The following SFSWAP variants were observed in gnomAD, a reference collection of about 807,000 sequenced individuals.
SFSWAP encodes splicing factor, suppressor of white-apricot homolog.
SFSWAP carries 17 observed loss-of-function variants against 100.7 expected under a neutral mutation model. That is an observed-to-expected ratio of 0.17 (90% CI 0.12 to 0.25). The LOEUF is 0.25. Ranked by LOEUF, SFSWAP falls within the 10% of genes least tolerant of loss-of-function variation. The pLI is 1.00. For synonymous variants in SFSWAP, 504 were observed against 510.1 expected (o/e 0.99, Z 0.16); for missense variants, 1,005 against 1,262.6 (o/e 0.80, Z 3.09).
chr12:131,764,415 A>G (rs1433279191), intron 11 of SFSWAP, 41 bp from the exon 12 acceptor site: 5 of 1,545,682 alleles, frequency 3.2e-6, no homozygotes, highest in South Asian at 2.3e-5. Flanking sequence ...AAAGATTTCC[A>G]CTCTGTAACA....
At position 131,725,769 on chromosome 12, in the gene SFSWAP, G is replaced by A. The variant is rs1878909852; in HGVS notation, c.832+139G>A. ...AAAGCCAGACTCGAATTTCTAGAAT[G>A]TGTCTGAAATCCTGCAGCTAAGGCG... is the stretch of plus-strand genomic sequence containing the variant. On this transcript the variant is annotated intron_variant, in intron 5 of 17. Coordinates refer to ENST00000261674, the MANE Select transcript of SFSWAP (RefSeq NM_004592.4). This position sits in a 1 kb window ranked among gnomAD's most constrained non-coding sequence, Gnocchi z 4.3. 1 of 665,900 alleles carries A rather than the reference G, an allele frequency of 1.5e-6. No homozygotes were observed. Among genetic ancestry groups the A allele is most frequent in the African/African-American group, 1.8e-5 (1 of 55,698 alleles). The allele number at this position is 665,900 out of a possible 1,614,324, so 41.2% of individuals were successfully genotyped here. A position where few individuals can be genotyped will look rare whatever the true frequency, so the allele number is the denominator to read the frequency against.
Position 131,714,855 on chromosome 12 carries a change from C to G in SFSWAP, c.422C>G (p.Ala141Gly). The G allele has an allele frequency of 6.2e-7, 1 of 1,613,976 alleles. No homozygotes were observed. Among genetic ancestry groups the G allele is most frequent in the Non-Finnish European group, 8.5e-7 (1 of 1,179,874 alleles). Residue 141 changes from alanine to glycine, a missense_variant, in exon 3 of 18, where the codon GCA (alanine) becomes GGA (glycine). Coordinates refer to ENST00000261674, the MANE Select transcript of SFSWAP (RefSeq NM_004592.4). This position sits in a 1 kb window ranked among gnomAD's most constrained non-coding sequence, Gnocchi z 6.0. ...EEYKRLSEALAEDGSYNAVGF... is the reference protein window; with the variant it reads ...EEYKRLSEALGEDGSYNAVGF... ...TACAAGCGATTGAGTGAAGCACTAGCAGAGGATGGGAGCTACAATGCCGTG... is the reference window on the plus strand; with the variant it reads ...TACAAGCGATTGAGTGAAGCACTAGGAGAGGATGGGAGCTACAATGCCGTG...
chr12:131,769,153 A>G (rs758464362), intron 13 of SFSWAP, among the ~76,000 whole-genome samples: 5 of 152,092 alleles, frequency 3.3e-5, no homozygotes, highest in Non-Finnish European at 7.4e-5. Context: ...TTCTGCAGCA[A>G]TAAGGGGATG....
intron 6 of SFSWAP, among the ~76,000 whole-genome samples, chr12:131,727,638 C>T (rs181265342): frequency 2.9e-4 from 44 of 150,874 alleles, no homozygotes; most frequent in African/African-American, 1.0e-3. Context: ...GAGTGAGACT[C>T]AAAAAGAAAA....
intron 8 of SFSWAP, 84 bp downstream of exon 8, chr12:131,753,447 T>C: frequency 6.7e-7 from 1 of 1,487,754 alleles, no homozygotes; most frequent in East Asian, 2.5e-5. Context: ...CATGGGGGGC[T>C]TGTAATCTAG....
In SFSWAP at chr12:131,753,292, G is replaced by A. The variant is rs766785632; in HGVS notation, c.1251G>A (p.Gly417=). ...CGACCACCGCCCCACCACCTCCTGGGACCACACCACTACCGCCCCCAACCA... is the reference window on the plus strand; with the variant it reads ...CGACCACCGCCCCACCACCTCCTGGAACCACACCACTACCGCCCCCAACCA... ...GVTTTAPPPP[G]TTPLPPPTTA... Residue 417 remains glycine, a synonymous_variant, in exon 8 of 18, where the codon GGG becomes GGA. Coordinates refer to ENST00000261674, the MANE Select transcript of SFSWAP (RefSeq NM_004592.4). 4 of 1,612,674 alleles carry A rather than the reference G, an allele frequency of 2.5e-6. No individual in the cohort carries two copies. The African/African-American group carries it at 4.0e-5, about 16-fold the overall frequency.
Position 131,755,396 on chromosome 12 carries a change from C to G in SFSWAP, c.1465C>G (p.Leu489Val). The G allele has an allele frequency of 6.2e-7, 1 of 1,613,438 alleles. No homozygotes were observed. The highest frequency in any genetic ancestry group is 1.1e-5 in the South Asian group (1 of 91,036). ...RAKNDQRFEFLQPWHQYNAYY... is the reference protein window; with the variant it reads ...RAKNDQRFEFVQPWHQYNAYY... ...TCTTTTTCTGCTCAGATTTGAGTTC[C>G]TGCAGCCGTGGCACCAGTATAATGC... Residue 489 changes from leucine to valine, a missense_variant, in exon 10 of 18, where the codon CTG becomes GTG. Leu to Val is a conservative substitution (Grantham distance 32). This residue lies in a region of SFSWAP where 311 missense variants were observed against 317.8 expected (regional missense o/e 0.98). Transcript: ENST00000261674.
intron 17 of SFSWAP, 61 bp from the exon 18 acceptor site, chr12:131,799,362 C>T: frequency 6.5e-7 from 1 of 1,533,576 alleles, no homozygotes; most frequent in Non-Finnish European, 9.0e-7. Context: ...TGAATTTCTT[C>T]ACCACGTGGG....
intron 14 of SFSWAP, among the ~76,000 whole-genome samples, chr12:131,780,327 CTTGTA>C (rs1192813192): frequency 6.6e-6 from 1 of 152,138 alleles, no homozygotes; most frequent in Admixed American, 6.6e-5. Context: ...CTCCCAGGAA[CTTGTA>C]TTGTATATCG....
At chr12:131,795,720 C>T (rs1885590059) in intron 15 of SFSWAP, among the ~76,000 whole-genome samples, 2 of 151,642 alleles carry the variant, frequency 1.3e-5, no homozygotes, top group Admixed American at 6.6e-5. Context: ...GAAGGGGCTT[C>T]GTGGCACGCA....
chr12:131,763,138 T>G (rs540646637), intron 11 of SFSWAP, among the ~76,000 whole-genome samples: 17 of 152,328 alleles, frequency 1.1e-4, no homozygotes, highest in African/African-American at 3.8e-4. Flanking sequence ...TATCACATGC[T>G]TAACTGTCTA....
At chr12:131,743,876 C>T (rs1880885920) in intron 7 of SFSWAP, among the ~76,000 whole-genome samples, 1 of 152,260 alleles carries the variant, frequency 6.6e-6, no homozygotes, top group Non-Finnish European at 1.5e-5. Flanking sequence ...GGTTCCCAAA[C>T]CTCAGTTCTT....
intron 14 of SFSWAP, among the ~76,000 whole-genome samples, chr12:131,782,769 G>T (rs1250770679): frequency 1.3e-5 from 2 of 152,060 alleles, no homozygotes; most frequent in Non-Finnish European, 2.9e-5. Flanking sequence ...CTAAGTTATG[G>T]GCGACTCTGG....
intron 14 of SFSWAP, among the ~76,000 whole-genome samples, chr12:131,779,245 A>AGAGGGCGGCGCGGGTGAGCGTGTGTGAC (rs1884291045): frequency 6.7e-6 from 1 of 148,880 alleles, no homozygotes; most frequent in Non-Finnish European, 1.5e-5. Flanking sequence ...GCGTGTGTGA[A>AGAGGGCGGCGCGGGTGAGCGTGTGTGAC]GAGGGCGGCG....
In SFSWAP at chr12:131,719,516, A is replaced by G; in HGVS notation, c.583A>G (p.Ser195Gly). The G allele has an allele frequency of 6.2e-7, 1 of 1,614,046 alleles. No homozygotes were observed. The highest frequency in any genetic ancestry group is 8.5e-7 in the Non-Finnish European group (1 of 1,179,936). Residue 195 changes from serine (S) to glycine (G), a missense_variant, in exon 4 of 18, where the codon AGC (serine) becomes GGC (glycine). By Grantham distance (56) the Ser-to-Gly change is moderately conservative (BLOSUM62 0). Transcript: ENST00000261674. ...EEPFVAPLGL[S>G]VPSDVELPPT... Reference sequence around the variant, plus strand: ...GCCCTTCGTTGCCCCCTTAGGATTGAGCGTCCCGTCTGACGTGGAGTTGGT... The same window carrying G: ...GCCCTTCGTTGCCCCCTTAGGATTGGGCGTCCCGTCTGACGTGGAGTTGGT...
chr12:131,736,705 C>A (rs1157804734), intron 7 of SFSWAP, among the ~76,000 whole-genome samples: 1 of 152,152 alleles, frequency 6.6e-6, no homozygotes. Flanking sequence ...GCATACAGAA[C>A]ACTGTGCAGG....
chr12:131,775,729 TG>T (rs1213214352), intron 13 of SFSWAP, among the ~76,000 whole-genome samples: 1 of 151,830 alleles, frequency 6.6e-6, no homozygotes, highest in Non-Finnish European at 1.5e-5. Flanking sequence ...AATGCCAGAG[TG>T]GGGGTGTTCT....
At chr12:131,767,585 A>G (rs1341766234) in intron 13 of SFSWAP, among the ~76,000 whole-genome samples, 1 of 152,242 alleles carries the variant, frequency 6.6e-6, no homozygotes, top group Non-Finnish European at 1.5e-5. Flanking sequence ...CAACATTTGA[A>G]CTATAATATT....
chr12:131,774,403 GAC>G (rs1024870523), intron 13 of SFSWAP, among the ~76,000 whole-genome samples: 1 of 152,220 alleles, frequency 6.6e-6, no homozygotes, highest in African/African-American at 2.4e-5. Context: ...ACTTCATCGT[GAC>G]ACAGGGGGAC....
Sources: gnomAD v4.1 joint callset for allele counts (sites outside exome capture counted in the v4.1 genomes callset) on GRCh38, gnomAD v4.1.1 for gene constraint, gnomAD v4.1.1 regional missense constraint, Gnocchi (gnomAD v3.1) non-coding constraint, MANE v1.5 for transcripts, NCBI Gene and HGNC (gene_info 2026-07-23, HGNC 2026-07-21) for gene names.